Variants in SLC9C2 observed in about 807,000 individuals in gnomAD.
SLC9C2 encodes solute carrier family 9 member C2 (putative).
In SLC9C2, 75 loss-of-function variants were observed where a neutral mutation model predicts 140.2. The observed-to-expected ratio is 0.53, with a 90% CI of 0.44 to 0.65. The LOEUF (loss-of-function observed/expected upper bound fraction) is 0.65. SLC9C2 is among the 30% of genes least tolerant of loss of function. The probability of loss-of-function intolerance (pLI) is 0.00; values close to 1 mark genes in which losing one functional copy is unlikely to be tolerated. For synonymous variants in SLC9C2, 375 were observed against 420.9 expected (o/e 0.89, Z 1.34); for missense variants, 1,074 against 1,331.8 (o/e 0.81, Z 3.01).
intron 13 of SLC9C2, among the ~76,000 whole-genome samples, chr1:173,538,450 C>T (rs1367402552): frequency 6.9e-6 from 1 of 145,052 alleles, no homozygotes; most frequent in Non-Finnish European, 1.5e-5. Context: ...TTATTAAATG[C>T]CTACTCTGTT....
intron 9 of SLC9C2, among the ~76,000 whole-genome samples, chr1:173,566,900 G>T (rs540560982): frequency 1.5e-4 from 22 of 151,356 alleles, no homozygotes; most frequent in African/African-American, 5.3e-4. Context: ...TATGTTTCAA[G>T]AAATTTTTCA....
intron 26 of SLC9C2, 102 bp downstream of exon 26, chr1:173,505,145 A>G: frequency 1.0e-6 from 1 of 973,582 alleles, no homozygotes; most frequent in African/African-American, 1.6e-5. Flanking sequence ...TGATAAACCC[A>G]CATAGTGCCC....
intron 9 of SLC9C2, among the ~76,000 whole-genome samples, chr1:173,561,955 T>C (rs1664149423): frequency 6.6e-6 from 1 of 152,098 alleles, no homozygotes; most frequent in African/African-American, 2.4e-5. Flanking sequence ...TGAATTTACC[T>C]GATTATATGT....
chr1:173,594,326 A>G (rs1208948262), intron 4 of SLC9C2, among the ~76,000 whole-genome samples: 1 of 152,250 alleles, frequency 6.6e-6, no homozygotes, highest in Non-Finnish European at 1.5e-5. Flanking sequence ...TGTTCCCTAC[A>G]TGAAGAAATA....
chr1:173,527,048 T>G (rs1661252478), intron 18 of SLC9C2, among the ~76,000 whole-genome samples: 1 of 152,156 alleles, frequency 6.6e-6, no homozygotes, highest in Non-Finnish European at 1.5e-5. Context: ...TTTCTCCATG[T>G]TGGCTAGGCT....
At chr1:173,562,993 C>T (rs569528788) in intron 9 of SLC9C2, among the ~76,000 whole-genome samples, 129 of 151,324 alleles carry the variant, frequency 8.5e-4, no homozygotes, top group African/African-American at 2.9e-3. Context: ...TGTGGGAGAG[C>T]GGTGCCTCCC....
intron 9 of SLC9C2, among the ~76,000 whole-genome samples, chr1:173,565,037 A>G (rs1571573205): frequency 2.4e-5 from 3 of 127,156 alleles, no homozygotes; most frequent in Middle Eastern, 5.9e-3. Flanking sequence ...GTGCAAACTC[A>G]GCTCACTGCA....
intron 9 of SLC9C2, among the ~76,000 whole-genome samples, chr1:173,561,177 C>T (rs1664077473): frequency 6.6e-6 from 1 of 152,104 alleles, no homozygotes; most frequent in Non-Finnish European, 1.5e-5. Context: ...TTTATCCCTC[C>T]AACTAGAATA....
intron 24 of SLC9C2, among the ~76,000 whole-genome samples, chr1:173,508,705 A>G (rs754917190): frequency 9.9e-5 from 15 of 152,156 alleles, no homozygotes; most frequent in Admixed American, 1.3e-4. Flanking sequence ...TGAACTTCCA[A>G]TCTTTCCCAG....
At chr1:173,524,654 G>T in intron 20 of SLC9C2, 125 bp downstream of exon 20, 2 of 1,008,178 alleles carry the variant, frequency 2.0e-6, no homozygotes, top group Non-Finnish European at 2.9e-6. Context: ...ATTATCAAAG[G>T]CTGAAGGTGA....
At chr1:173,599,524 G>A (rs567098412) in intron 3 of SLC9C2, among the ~76,000 whole-genome samples, 6 of 151,846 alleles carry the variant, frequency 4.0e-5, no homozygotes, top group Admixed American at 2.0e-4. Context: ...ACAGGCGCCC[G>A]CCACAACACC....
chr1:173,544,268 C>G (rs1300676635), intron 13 of SLC9C2, among the ~76,000 whole-genome samples: 5 of 152,194 alleles, frequency 3.3e-5, no homozygotes, highest in Admixed American at 6.5e-5. Flanking sequence ...TGCTCATCAT[C>G]ATTGGTCATC....
At chr1:173,529,662 G>A (rs1278639312) in intron 18 of SLC9C2, among the ~76,000 whole-genome samples, 1 of 149,552 alleles carries the variant, frequency 6.7e-6, no homozygotes, top group Non-Finnish European at 1.5e-5. Context: ...TCTATACTCT[G>A]CACTCAGAAA....
At chr1:173,548,858 G>T (rs1663054090) in intron 11 of SLC9C2, among the ~76,000 whole-genome samples, 1 of 152,194 alleles carries the variant, frequency 6.6e-6, no homozygotes, top group Non-Finnish European at 1.5e-5. Context: ...AAAGTGTAAA[G>T]TGTACAGGTG....
At chr1:173,501,362 T>C (rs1336090125) in intron 27 of SLC9C2, among the ~76,000 whole-genome samples, 1 of 152,142 alleles carries the variant, frequency 6.6e-6, no homozygotes, top group Non-Finnish European at 1.5e-5. Flanking sequence ...AGAAGAGAAA[T>C]GTTACAGAAG....
intron 8 of SLC9C2, among the ~76,000 whole-genome samples, chr1:173,573,923 A>G (rs12029440): frequency 0.04 from 6,137 of 152,252 alleles, 138 homozygotes; most frequent in East Asian, 0.086. Flanking sequence ...CTGAATTCCT[A>G]CGGTGCTGAC....
intron 21 of SLC9C2, among the ~76,000 whole-genome samples, chr1:173,521,746 T>C (rs965135273): frequency 2.6e-5 from 4 of 151,546 alleles, no homozygotes; most frequent in African/African-American, 9.7e-5. Context: ...AAACTTTTTT[T>C]CAGCCCGTTT....
intron 23 of SLC9C2, among the ~76,000 whole-genome samples, chr1:173,514,254 G>T (rs1251920542): frequency 6.6e-6 from 1 of 152,120 alleles, no homozygotes; most frequent in African/African-American, 2.4e-5. Flanking sequence ...TGACAGTGGG[G>T]TGTTAAAGTC....
rs947724268 is a variant in SLC9C2, at chr1:173,520,926, G to GTC, written c.2739+373_2739+374dup. ...AATCTCTCTCCCTCTCTCTCTCTCTGTCTCTCTCTCTGGTCAACAAAAGCC... is the reference window on the plus strand; with the variant it reads ...AATCTCTCTCCCTCTCTCTCTCTCTGTCTCTCTCTCTCTGGTCAACAAAAGCC... On this transcript the variant is annotated intron_variant, in intron 22 of 27. Coordinates refer to ENST00000367714, the MANE Select transcript of SLC9C2 (RefSeq NM_178527.4). Among the ~76,000 whole-genome samples, 62 of 151,916 alleles carry GTC rather than the reference G, an allele frequency of 4.1e-4. No individual in the cohort carries two copies. The East Asian group carries it at 8.1e-3, about 20-fold the overall frequency.
Sources: gnomAD v4.1 joint callset for allele counts (sites outside exome capture counted in the v4.1 genomes callset) on GRCh38, gnomAD v4.1.1 for gene constraint, MANE v1.5 for transcripts, NCBI Gene and HGNC (gene_info 2026-07-23, HGNC 2026-07-21) for gene names.